The following USP25 variants were observed in gnomAD, a reference collection of about 807,000 sequenced individuals.
USP25 encodes ubiquitin specific peptidase 25.
A neutral mutation model predicts 158.5 loss-of-function variants in USP25; 85 were observed. The observed-to-expected ratio is 0.54, with a 90% CI of 0.45 to 0.64. The LOEUF is 0.64. Among genes scored for constraint, USP25 ranks in the 30% least tolerant of loss-of-function variants. The pLI is 0.00. For synonymous variants in USP25, 464 were observed against 460.4 expected (o/e 1.01, Z -0.10); for missense variants, 1,242 against 1,327.3 (o/e 0.94, Z 1.00).
chr21:15,783,413 A>G (rs1236196836), intron 4 of USP25, among the ~76,000 whole-genome samples: 1 of 152,150 alleles, frequency 6.6e-6, no homozygotes, highest in African/African-American at 2.4e-5. Flanking sequence ...TCTAGGAATG[A>G]AAAGATCCCC....
chr21:15,821,572 T>C (rs1288119636), intron 10 of USP25, among the ~76,000 whole-genome samples: 1 of 151,852 alleles, frequency 6.6e-6, no homozygotes, highest in African/African-American at 2.4e-5. Flanking sequence ...AGAGAAACAA[T>C]ATCGACATGT....
chr21:15,812,515 G>A lies in USP25; in HGVS notation c.931+1305G>A, dbSNP rs2036718202. ...TACAAAAAAAAATTAGCCAGGCGTG[G>A]TGGCAGGCGCCTGTAGTCCCAGCTA... On this transcript the variant is annotated intron_variant, in intron 9 of 25. Coordinates refer to ENST00000400183, the MANE Select transcript of USP25 (RefSeq NM_001283041.3). 2.0e-5 allele frequency among the ~76,000 whole-genome samples: 3 copies of A among 152,122 alleles called. No homozygotes were observed. In the South Asian group the frequency reaches 6.2e-4, roughly 32 times the overall value.
chr21:15,801,747 G>C (rs1490361604), intron 6 of USP25, among the ~76,000 whole-genome samples: 1 of 151,492 alleles, frequency 6.6e-6, no homozygotes, highest in Non-Finnish European at 1.5e-5. Context: ...ATACATTTGG[G>C]ATTACTTTGA....
chr21:15,736,105 C>CT (rs201592341), intron 1 of USP25, among the ~76,000 whole-genome samples: 11,357 of 146,144 alleles, frequency 0.078, 470 homozygotes, highest in East Asian at 0.1. Context: ...TTATTTCCTG[C>CT]TTTTTTTTTT....
chr21:15,870,413 A>G (rs2146587664), intron 23 of USP25, among the ~76,000 whole-genome samples: 1 of 152,272 alleles, frequency 6.6e-6, no homozygotes, highest in Non-Finnish European at 1.5e-5. Context: ...CTACCCTTGA[A>G]GCTGAGTCTG....
rs1555862138 is a variant in USP25, at chr21:15,860,975, T to TAGAGAG, written c.2548-3278_2548-3273dup. On this transcript the variant is annotated intron_variant, in intron 20 of 25. Transcript: ENST00000400183. ...CTTCATATATATATATATATATATA[T>TAGAGAG]AGAGAGAGAGAGAGAGAGAGTTTAC... Among the ~76,000 whole-genome samples the TAGAGAG allele has an allele frequency of 7.0e-3, 984 of 140,636 alleles. 8 individuals are homozygous for TAGAGAG. Among genetic ancestry groups the TAGAGAG allele is most frequent in the Admixed American group, 0.032 (446 of 13,878 alleles). The allele number at this position is 140,636 out of a possible 152,430, so 92.3% of individuals were successfully genotyped here. A position where few individuals can be genotyped will look rare whatever the true frequency, so the allele number is the denominator to read the frequency against.
intron 1 of USP25, among the ~76,000 whole-genome samples, chr21:15,734,593 A>T (rs1019571601): frequency 6.6e-6 from 1 of 152,116 alleles, no homozygotes; most frequent in Non-Finnish European, 1.5e-5. Context: ...ATTTTCTTCA[A>T]TATTATATGT....
chr21:15,785,236 A>G (rs2123560384), intron 4 of USP25, among the ~76,000 whole-genome samples: 1 of 152,342 alleles, frequency 6.6e-6, no homozygotes, highest in South Asian at 2.1e-4. Context: ...ACACCAGAAC[A>G]TCCAAATATA....
chr21:15,833,323 C>T, intron 16 of USP25, 25 bp from the exon 17 acceptor site: 1 of 1,590,060 alleles, frequency 6.3e-7, no homozygotes, highest in Non-Finnish European at 8.6e-7. Flanking sequence ...TAATTTTATA[C>T]TAGTTTTTGA....
chr21:15,739,398 G>T (rs9941829), intron 1 of USP25, among the ~76,000 whole-genome samples: 35,426 of 152,038 alleles, frequency 0.23, 5,626 homozygotes, highest in African/African-American at 0.46. Context: ...GATGCTTGCA[G>T]GTATTTTTTC....
Position 15,854,920 on chromosome 21 carries a change from A to C in USP25, c.2547+5048A>C, listed in dbSNP as rs187914458. On this transcript the variant is annotated intron_variant, in intron 20 of 25. Coordinates refer to ENST00000400183, the MANE Select transcript of USP25 (RefSeq NM_001283041.3). ...TTAATGGTTAAAACTAGTTTCTACT[A>C]TAGAAAATCCCCAAATAATAGTGGC... is the stretch of plus-strand genomic sequence containing the variant. 4.6e-5 allele frequency among the ~76,000 whole-genome samples: 7 copies of C among 152,382 alleles called. No homozygotes were observed. In the South Asian group the frequency reaches 1.4e-3, roughly 32 times the overall value.
intron 4 of USP25, among the ~76,000 whole-genome samples, chr21:15,790,199 A>G (rs910097241): frequency 6.6e-6 from 1 of 152,012 alleles, no homozygotes; most frequent in African/African-American, 2.4e-5. Flanking sequence ...AAACAAGCCT[A>G]GAGTCTGGGG....
At chr21:15,873,658 T>G (rs1444648039) in intron 23 of USP25, among the ~76,000 whole-genome samples, 1 of 151,976 alleles carries the variant, frequency 6.6e-6, no homozygotes, top group East Asian at 1.9e-4. Context: ...CATGCCCGGC[T>G]AATCTTGTAT....
chr21:15,845,859 A>G (rs1276693952), intron 18 of USP25, among the ~76,000 whole-genome samples: 1 of 151,972 alleles, frequency 6.6e-6, no homozygotes, highest in Non-Finnish European at 1.5e-5. Flanking sequence ...TGGACCAAGC[A>G]CATCTCTGTA....
chr21:15,797,524 A>G (rs1341511193), intron 5 of USP25, among the ~76,000 whole-genome samples: 1 of 151,268 alleles, frequency 6.6e-6, no homozygotes, highest in Admixed American at 6.6e-5. Context: ...TATACCTAGC[A>G]GAAGTCTTTA....
At chr21:15,838,273 C>T (rs771492596) in intron 17 of USP25, among the ~76,000 whole-genome samples, 3 of 151,758 alleles carry the variant, frequency 2.0e-5, no homozygotes, top group East Asian at 1.9e-4. Flanking sequence ...GTATAATAAA[C>T]GACATATGAT....
chr21:15,779,521 T>C (rs1600883596), intron 4 of USP25, among the ~76,000 whole-genome samples: 1 of 151,932 alleles, frequency 6.6e-6, no homozygotes, highest in South Asian at 2.1e-4. Context: ...TGAGCTTATA[T>C]ACCCAATTAG....
In USP25 at chr21:15,823,899, A is replaced by G. The variant is rs527722491; in HGVS notation, c.1081-140A>G. The G allele has an allele frequency of 1.4e-3, 1,077 of 783,320 alleles. 2 individuals are homozygous for G. The highest frequency in any genetic ancestry group is 7.2e-3 in the Middle Eastern group (20 of 2,782). 48.5% of individuals were successfully genotyped at this position (783,320 alleles called of 1,614,324 possible). A position where few individuals can be genotyped will look rare whatever the true frequency, so the allele number is the denominator to read the frequency against. On this transcript the variant is annotated intron_variant, in intron 10 of 25. Transcript: ENST00000400183. ...TAGAAAGAGGTTGAGTTTTAACTAAACTGTGTACCCAGTTACTTGTCAGGT... is the reference window on the plus strand; with the variant it reads ...TAGAAAGAGGTTGAGTTTTAACTAAGCTGTGTACCCAGTTACTTGTCAGGT...
chr21:15,799,460 A>G (rs746739873), intron 5 of USP25: 92 of 189,610 alleles, frequency 4.9e-4, no homozygotes, highest in Non-Finnish European at 8.7e-4. Flanking sequence ...TGACATTTGC[A>G]TACTCTTTAT....
Sources: gnomAD v4.1 joint callset for allele counts (sites outside exome capture counted in the v4.1 genomes callset) on GRCh38, gnomAD v4.1.1 for gene constraint, MANE v1.5 for transcripts, NCBI Gene and HGNC (gene_info 2026-07-23, HGNC 2026-07-21) for gene names.